EIF4G3: variants seen among roughly 807,000 people sequenced by gnomAD.
EIF4G3 encodes eukaryotic translation initiation factor 4 gamma 3, also known as eIF-4-gamma 3.
A neutral mutation model predicts 186.4 loss-of-function variants in EIF4G3; 34 were observed. The observed-to-expected ratio is 0.18, with a 90% CI of 0.14 to 0.24. The LOEUF is 0.24. Among genes scored for constraint, EIF4G3 ranks in the 10% least tolerant of loss-of-function variants. The pLI is 1.00. For synonymous variants in EIF4G3, 673 were observed against 679.5 expected, an observed-to-expected ratio of 0.99 and a Z score of 0.15; for missense variants, 1,536 against 1,948.5, an observed-to-expected ratio of 0.79 and a Z score of 3.99.
At chr1:20,950,150 G>A (rs980734045) in intron 12 of EIF4G3, 39 bp from the exon 13 acceptor site, 2 of 1,472,852 alleles carry the variant, frequency 1.4e-6, no homozygotes, top group South Asian at 2.7e-5. Context: ...TAATGAGCGT[G>A]CGAACATAAA....
chr1:21,102,188 T>C (rs1452382590), intron 2 of EIF4G3, among the ~76,000 whole-genome samples: 2 of 152,166 alleles, frequency 1.3e-5, no homozygotes, highest in Non-Finnish European at 2.9e-5. Flanking sequence ...TAGTGGCTCA[T>C]GTCTGTAATC....
Position 20,982,795 on chromosome 1 carries a change from A to G in EIF4G3, c.178-387T>C, listed in dbSNP as rs531043490. Among the ~76,000 whole-genome samples the G allele has an allele frequency of 1.2e-3, 184 of 152,284 alleles. 1 individual carries two copies. The highest frequency in any genetic ancestry group is 4.2e-3 in the African/African-American group (174 of 41,538). ...TCTGGCATTGTCTAGCATCTCTGTG[A>G]TCTACTTGCCATCTGTGTCATTTGT... On this transcript the variant is annotated intron_variant, in intron 7 of 36. Coordinates refer to ENST00000602326, the MANE Select transcript of EIF4G3 (RefSeq NM_001391906.1).
At chr1:21,093,855 C>CA (rs2096275508) in intron 2 of EIF4G3, among the ~76,000 whole-genome samples, 1 of 152,010 alleles carries the variant, frequency 6.6e-6, no homozygotes. Flanking sequence ...ATCACAAGGA[C>CA]AAAAAACCAA....
intron 9 of EIF4G3, 22 bp downstream of exon 9, chr1:20,981,026 C>A: frequency 2.0e-6 from 3 of 1,506,204 alleles, no homozygotes; most frequent in Non-Finnish European, 2.7e-6. Context: ...GCTGGACCAC[C>A]TAGGCCTCAA....
intron 2 of EIF4G3, among the ~76,000 whole-genome samples, chr1:21,098,551 A>AG (rs1254035545): frequency 6.7e-6 from 1 of 148,486 alleles, no homozygotes; most frequent in African/African-American, 2.5e-5. Context: ...AAAAAAAAAA[A>AG]AAAAAAAAAA....
At chr1:20,952,778 A>C (rs2096273071) in intron 12 of EIF4G3, among the ~76,000 whole-genome samples, 1 of 152,156 alleles carries the variant, frequency 6.6e-6, no homozygotes, top group Non-Finnish European at 1.5e-5. Flanking sequence ...TGAACCCAGG[A>C]GGTGGAGGTT....
At chr1:20,953,275 CCT>C (rs2096288033) in intron 12 of EIF4G3, among the ~76,000 whole-genome samples, 2 of 152,076 alleles carry the variant, frequency 1.3e-5, no homozygotes, top group Admixed American at 6.5e-5. Flanking sequence ...GGTAAACTCC[CCT>C]GTCAAATTTT....
intron 2 of EIF4G3, among the ~76,000 whole-genome samples, chr1:21,171,969 ACT>A (rs1392478635): frequency 7.9e-5 from 12 of 152,110 alleles, no homozygotes; most frequent in African/African-American, 2.4e-4. Context: ...TACGAGATGC[ACT>A]GGGAAGGAGA....
chr1:20,965,314 G>C (rs530296492), intron 12 of EIF4G3, among the ~76,000 whole-genome samples: 1 of 152,216 alleles, frequency 6.6e-6, no homozygotes, highest in South Asian at 2.1e-4. Flanking sequence ...TACAAAAGAC[G>C]TATTTTTAAA....
At chr1:20,985,147 T>C (rs911451767) in intron 7 of EIF4G3, among the ~76,000 whole-genome samples, 1 of 152,226 alleles carries the variant, frequency 6.6e-6, no homozygotes. Context: ...TGAAAGGATG[T>C]AGCAGGATCT....
chr1:21,100,493 A>G (rs1161428506), intron 2 of EIF4G3, among the ~76,000 whole-genome samples: 1 of 152,158 alleles, frequency 6.6e-6, no homozygotes, highest in African/African-American at 2.4e-5. Context: ...CTCTCACCCC[A>G]GGATCCAGAA....
In EIF4G3 at chr1:20,935,145, T is replaced by C. The variant is rs16824855; in HGVS notation, c.1663+6346A>G. ...TGTCAAATCCTGAGGTAATTTTGTA[T>C]TGACATACCATCTCTGAAAGATTAA... On this transcript the variant is annotated intron_variant, in intron 14 of 36. Coordinates refer to ENST00000602326, the MANE Select transcript of EIF4G3 (RefSeq NM_001391906.1). 5.2e-3 allele frequency among the ~76,000 whole-genome samples: 788 copies of C among 152,286 alleles called. 7 individuals are homozygous for C. Among genetic ancestry groups the C allele is most frequent in the African/African-American group, 0.018 (756 of 41,566 alleles).
At position 20,943,977 on chromosome 1, in the gene EIF4G3, TGTGTGTGTGTGTG is replaced by T. The variant is rs1558363896; in HGVS notation, c.824-1660_824-1648del. On this transcript the variant is annotated intron_variant, in intron 13 of 36. Transcript: ENST00000602326. ...GGAAAACTTGTCTTTATTTTTTTTG[TGTGTGTGTGTGTG>T]TGTGTGTGTGTGTGTGTGTGTGTGT... 1.7e-3 allele frequency among the ~76,000 whole-genome samples: 60 copies of T among 34,894 alleles called. 1 individual carries two copies. The highest frequency in any genetic ancestry group is 5.3e-3 in the African/African-American group (56 of 10,648). 22.9% of individuals were successfully genotyped at this position (34,894 alleles called of 152,430 possible).
At chr1:21,001,787 T>C (rs754139951) in intron 5 of EIF4G3, among the ~76,000 whole-genome samples, 4 of 152,346 alleles carry the variant, frequency 2.6e-5, no homozygotes. Flanking sequence ...GTGCAGTCTA[T>C]GCTCTCCTAG....
At chr1:20,869,465 A>T (rs914061567) in intron 20 of EIF4G3, among the ~76,000 whole-genome samples, 1 of 151,770 alleles carries the variant, frequency 6.6e-6, no homozygotes, top group Non-Finnish European at 1.5e-5. Context: ...CTGGCCAAGG[A>T]CAGTTTGCTC....
chr1:20,947,543 G>T (rs573686740), intron 13 of EIF4G3, among the ~76,000 whole-genome samples: 40 of 150,088 alleles, frequency 2.7e-4, no homozygotes, highest in African/African-American at 9.8e-4. Flanking sequence ...AAAGAAAAAA[G>T]AGAGAGAGAG....
At chr1:21,086,913 TG>T (rs1572333579) in intron 3 of EIF4G3, among the ~76,000 whole-genome samples, 2 of 143,536 alleles carry the variant, frequency 1.4e-5, no homozygotes, top group Non-Finnish European at 3.0e-5. Flanking sequence ...CACTCCAGCC[TG>T]GGCAACAGAG....
At chr1:21,146,022 G>A (rs1021132826) in intron 2 of EIF4G3, among the ~76,000 whole-genome samples, 3 of 152,124 alleles carry the variant, frequency 2.0e-5, no homozygotes, top group Non-Finnish European at 4.4e-5. Flanking sequence ...CTCAGCCCAG[G>A]AGTTCGAGGC....
At chr1:21,034,552 T>A (rs1184512889) in intron 4 of EIF4G3, among the ~76,000 whole-genome samples, 1 of 152,220 alleles carries the variant, frequency 6.6e-6, no homozygotes, top group Non-Finnish European at 1.5e-5. Context: ...TAAAACAGAA[T>A]TATAGTATGA....
Sources: gnomAD v4.1 joint callset for allele counts (sites outside exome capture counted in the v4.1 genomes callset) on GRCh38, gnomAD v4.1.1 for gene constraint, MANE v1.5 for transcripts, NCBI Gene and HGNC (gene_info 2026-07-23, HGNC 2026-07-21) for gene names.